Variants in TSPAN7 observed in about 807,000 individuals in gnomAD.
The protein encoded by TSPAN7 is tetraspanin 7, also known as tetraspanin-7.
In TSPAN7, 1 loss-of-function variant was observed where a neutral mutation model predicts 17.6. The observed-to-expected ratio is 0.06, with a 90% CI of 0.02 to 0.27. The LOEUF is 0.27. TSPAN7 is among the 10% of genes least tolerant of loss of function. TSPAN7 has a pLI of 1.00. For synonymous variants in TSPAN7, 78 were observed against 79.0 expected (o/e 0.99, Z 0.07); for missense variants, 112 against 201.7 (o/e 0.56, Z 2.69).
At chrX:38,600,745 G>A (rs1057282600) in intron 1 of TSPAN7, among the ~76,000 whole-genome samples, 2 of 112,124 alleles carry the variant, frequency 1.8e-5, no homozygotes, top group South Asian at 7.5e-4. Context: ...AACAAAAAGT[G>A]ATGTTCTTTT....
chrX:38,596,467 CT>C (rs1326480274), intron 1 of TSPAN7, among the ~76,000 whole-genome samples: 1 of 111,788 alleles, frequency 8.9e-6, no homozygotes, highest in Non-Finnish European at 1.9e-5. Context: ...TGAAAGTTTA[CT>C]TACTTTTTAG....
chrX:38,686,781 G>T (rs1030200414), intron 6 of TSPAN7, among the ~76,000 whole-genome samples: 1 of 111,988 alleles, frequency 8.9e-6, no homozygotes, highest in Non-Finnish European at 1.9e-5. Context: ...AGGGTGTCTT[G>T]AGAGTATCAC....
rs181866078 is a variant in TSPAN7 at position 38,592,466 on chromosome X, C to T, written c.81+30839C>T. On this transcript the variant is annotated intron_variant, in intron 1 of 7. Coordinates refer to ENST00000378482, the MANE Select transcript of TSPAN7 (RefSeq NM_004615.4). ...TATTTGTCCCATCACTTCTTTATTT[C>T]CTTTATCTCCTTTATTTTTTATTTT... Among the ~76,000 whole-genome samples the T allele has an allele frequency of 3.6e-3, 398 of 110,969 alleles. 2 individuals carry two copies. The highest frequency in any genetic ancestry group is 0.013 in the African/African-American group (385 of 30,561).
At chrX:38,578,321 A>G (rs1178116864) in intron 1 of TSPAN7, among the ~76,000 whole-genome samples, 1 of 112,084 alleles carries the variant, frequency 8.9e-6, no homozygotes, top group Non-Finnish European at 1.9e-5. Flanking sequence ...CGGCAGCATT[A>G]ATGGATGCCT....
At chrX:38,674,071 T>G (rs2069838244) in intron 3 of TSPAN7, 150 bp from the exon 4 acceptor site, 3 of 515,826 alleles carry the variant, frequency 5.8e-6, no homozygotes, top group Non-Finnish European at 1.0e-5. Flanking sequence ...TTTCTGAGCT[T>G]TTCCATCTCA....
At chrX:38,629,134 G>A (rs548440044) in intron 1 of TSPAN7, among the ~76,000 whole-genome samples, 3 of 112,376 alleles carry the variant, frequency 2.7e-5, no homozygotes, top group South Asian at 3.7e-4. Context: ...TGTATTCTTT[G>A]TTTTTCATAT....
intron 1 of TSPAN7, among the ~76,000 whole-genome samples, chrX:38,636,328 C>T (rs769447823): frequency 8.9e-6 from 1 of 112,121 alleles, no homozygotes; most frequent in South Asian, 3.7e-4. Context: ...GAGTGAATAA[C>T]CGTTACTCAT....
intron 1 of TSPAN7, 113 bp from the exon 2 acceptor site, chrX:38,666,008 A>G: frequency 1.5e-6 from 1 of 675,917 alleles, no homozygotes; most frequent in South Asian, 2.4e-5. Flanking sequence ...GGAATCCTAC[A>G]GCAAGTACCG....
chrX:38,660,131 C>A (rs1259757455), intron 1 of TSPAN7, among the ~76,000 whole-genome samples: 1 of 110,983 alleles, frequency 9.0e-6, no homozygotes, highest in East Asian at 2.8e-4. Context: ...CCACGTCTGG[C>A]CCCAGCTAAT....
chrX:38,651,625 G>T (rs778517239), intron 1 of TSPAN7, among the ~76,000 whole-genome samples: 1 of 112,043 alleles, frequency 8.9e-6, no homozygotes, highest in South Asian at 3.8e-4. Flanking sequence ...AGCAGCGATG[G>T]GGCAGGAGGG....
intron 1 of TSPAN7, among the ~76,000 whole-genome samples, chrX:38,603,195 AT>A (rs1421744733): frequency 8.9e-6 from 1 of 112,129 alleles, no homozygotes; most frequent in African/African-American, 3.2e-5. Context: ...CATTAGGAAA[AT>A]GCAAATCAAA....
chrX:38,624,256 C>A (rs1005731686), intron 1 of TSPAN7, among the ~76,000 whole-genome samples: 4 of 111,186 alleles, frequency 3.6e-5, no homozygotes, highest in African/African-American at 9.8e-5. Context: ...ATGGCCCCCC[C>A]ACCAGCCATC....
Position 38,660,044 on chromosome X carries a change from C to A in TSPAN7, c.82-6077C>A, listed in dbSNP as rs766681636. ...GTTTCACCATGTTGGCCAGGCTGGT[C>A]TCGAACTCCTGGCCTCAAGTGATCC... On this transcript the variant is annotated intron_variant, in intron 1 of 7. Transcript: ENST00000378482. Among the ~76,000 whole-genome samples, 18 of 109,130 alleles carry A rather than the reference C, an allele frequency of 1.6e-4. No individual in the cohort carries two copies. The South Asian group carries it at 4.8e-3, about 29-fold the overall frequency. 94.8% of individuals were successfully genotyped at this position (109,130 alleles called of 115,157 possible). A position where few individuals can be genotyped will look rare whatever the true frequency, so the allele number is the denominator to read the frequency against.
intron 1 of TSPAN7, among the ~76,000 whole-genome samples, chrX:38,635,429 G>A (rs1369461704): frequency 9.0e-6 from 1 of 111,000 alleles, no homozygotes; most frequent in Non-Finnish European, 1.9e-5. Flanking sequence ...GACTTTTGGG[G>A]GCAGAGGTGG....
At chrX:38,571,548 A>G (rs2069169603) in intron 1 of TSPAN7, among the ~76,000 whole-genome samples, 1 of 111,054 alleles carries the variant, frequency 9.0e-6, no homozygotes, top group Non-Finnish European at 1.9e-5. Context: ...TCGTTGCCTG[A>G]GAGTCTGGAA....
chrX:38,643,105 G>T (rs1602110056), intron 1 of TSPAN7, among the ~76,000 whole-genome samples: 2 of 110,739 alleles, frequency 1.8e-5, no homozygotes, highest in African/African-American at 6.6e-5. Context: ...TACATGATAG[G>T]TTGGTAAGGG....
chrX:38,570,588 CT>C (rs1424520517), intron 1 of TSPAN7: 1 of 111,990 alleles, frequency 8.9e-6, no homozygotes, highest in Non-Finnish European at 1.9e-5. Context: ...GTCATTGTGA[CT>C]GTGTTTCTTT....
intron 1 of TSPAN7, among the ~76,000 whole-genome samples, chrX:38,595,668 A>G: frequency 1.8e-5 from 2 of 112,318 alleles, no homozygotes; most frequent in Middle Eastern, 9.2e-3. Context: ...CTCAAGTAGC[A>G]TGGAAAATCA....
At chrX:38,593,113 G>A in intron 1 of TSPAN7, among the ~76,000 whole-genome samples, 1 of 110,734 alleles carries the variant, frequency 9.0e-6, no homozygotes, top group Admixed American at 9.6e-5. Context: ...TGTTTCTAAT[G>A]AGAAGTATGT....
Sources: allele counts gnomAD v4.1 joint callset (sites outside exome capture counted in the v4.1 genomes callset), GRCh38; gene constraint gnomAD v4.1.1; transcripts MANE v1.5; gene names NCBI Gene and HGNC (gene_info 2026-07-23, HGNC 2026-07-21).